Variants in MAGI3 observed in about 807,000 individuals in gnomAD.
The protein encoded by MAGI3 is membrane associated guanylate kinase, WW and PDZ domain containing 3.
MAGI3 carries 43 observed loss-of-function variants against 121.8 expected under a neutral mutation model. The observed-to-expected ratio is 0.35, with a 90% CI of 0.28 to 0.46. The LOEUF (loss-of-function observed/expected upper bound fraction) is 0.46, where lower values mean the gene tolerates loss of function less well. Among genes scored for constraint, MAGI3 ranks in the 20% least tolerant of loss-of-function variants. The pLI is 1.00. For missense variants in MAGI3, 1,547 were observed against 1,797.3 expected (o/e 0.86, Z 2.52); for synonymous variants, 553 against 639.3 (o/e 0.86, Z 2.04).
At chr1:113,503,945 A>G (rs1433194108) in intron 1 of MAGI3, among the ~76,000 whole-genome samples, 2 of 152,106 alleles carry the variant, frequency 1.3e-5, no homozygotes, top group East Asian at 3.8e-4. Flanking sequence ...TATAATGGAT[A>G]GAAAGTTCAA....
At chr1:113,546,859 G>T (rs1175255278) in intron 1 of MAGI3, among the ~76,000 whole-genome samples, 2 of 151,638 alleles carry the variant, frequency 1.3e-5, no homozygotes, top group Non-Finnish European at 2.9e-5. Context: ...GAGGTGGGCA[G>T]ATCATGAGGT....
chr1:113,394,781 C>T (rs1372538257), intron 1 of MAGI3, among the ~76,000 whole-genome samples: 1 of 152,180 alleles, frequency 6.6e-6, no homozygotes, highest in East Asian at 1.9e-4. Context: ...GCACACATTA[C>T]ATTCAACTAC....
intron 2 of MAGI3, among the ~76,000 whole-genome samples, chr1:113,561,788 A>C (rs926397025): frequency 2.6e-5 from 4 of 152,176 alleles, no homozygotes; most frequent in African/African-American, 4.8e-5. Context: ...AGAAAGAAAG[A>C]AAGCATATTC....
At chr1:113,511,385 A>G (rs1217032747) in intron 1 of MAGI3, among the ~76,000 whole-genome samples, 2 of 152,236 alleles carry the variant, frequency 1.3e-5, no homozygotes, top group African/African-American at 4.8e-5. Context: ...GAAAGAATGA[A>G]AAGATGGTTG....
At chr1:113,669,947 C>T (rs558936655) in intron 16 of MAGI3, among the ~76,000 whole-genome samples, 217 of 136,076 alleles carry the variant, frequency 1.6e-3, no homozygotes, top group African/African-American at 5.8e-3. Flanking sequence ...TAAAGTTACT[C>T]AAGAAAAATA....
At chr1:113,548,657 C>G (rs1372535449) in intron 1 of MAGI3, among the ~76,000 whole-genome samples, 1 of 152,170 alleles carries the variant, frequency 6.6e-6, no homozygotes, top group Non-Finnish European at 1.5e-5. Flanking sequence ...CTTCTAGTCC[C>G]TGTTCGGGAT....
intron 1 of MAGI3, among the ~76,000 whole-genome samples, chr1:113,457,571 T>G (rs1235322361): frequency 6.6e-6 from 1 of 152,098 alleles, no homozygotes; most frequent in Admixed American, 6.6e-5. Context: ...GTCAATTAAA[T>G]GACCGATATT....
At chr1:113,451,760 C>T (rs1463559291) in intron 1 of MAGI3, among the ~76,000 whole-genome samples, 2 of 152,110 alleles carry the variant, frequency 1.3e-5, no homozygotes, top group African/African-American at 2.4e-5. Flanking sequence ...GGTTTTTATT[C>T]TGCAACATTG....
At chr1:113,555,607 TAAATC>T (rs1207061956) in intron 2 of MAGI3, among the ~76,000 whole-genome samples, 2 of 152,132 alleles carry the variant, frequency 1.3e-5, no homozygotes, top group African/African-American at 4.8e-5. Context: ...GATTTAGACT[TAAATC>T]ATATGAAACA....
At chr1:113,665,443 A>G (rs1281126525) in intron 16 of MAGI3, among the ~76,000 whole-genome samples, 2 of 152,078 alleles carry the variant, frequency 1.3e-5, no homozygotes, top group African/African-American at 2.4e-5. Context: ...GGGAAAACCT[A>G]TCTGTCTCCC....
At chr1:113,582,784 TAAAG>T (rs1181942966) in intron 3 of MAGI3, among the ~76,000 whole-genome samples, 1 of 151,638 alleles carries the variant, frequency 6.6e-6, no homozygotes, top group African/African-American at 2.4e-5. Context: ...TATATATCCT[TAAAG>T]AGAAAAAAAG....
At chr1:113,573,335 G>A (rs1048523046) in intron 2 of MAGI3, among the ~76,000 whole-genome samples, 5 of 152,232 alleles carry the variant, frequency 3.3e-5, no homozygotes, top group African/African-American at 1.2e-4. Flanking sequence ...GGCATTCAGT[G>A]CTATAAGCTT....
intron 1 of MAGI3, among the ~76,000 whole-genome samples, chr1:113,478,013 T>C (rs1221966809): frequency 2.0e-5 from 3 of 152,244 alleles, no homozygotes; most frequent in Non-Finnish European, 4.4e-5. Context: ...TTCCACTTGA[T>C]TGAATTAGCT....
chr1:113,558,854 A>G (rs1660100951), intron 2 of MAGI3, among the ~76,000 whole-genome samples: 1 of 152,160 alleles, frequency 6.6e-6, no homozygotes, highest in African/African-American at 2.4e-5. Context: ...CACCAGATAA[A>G]AACAGTGGAC....
At chr1:113,526,962 A>G (rs1348064813) in intron 1 of MAGI3, among the ~76,000 whole-genome samples, 3 of 152,176 alleles carry the variant, frequency 2.0e-5, no homozygotes, top group Non-Finnish European at 4.4e-5. Context: ...AAACCTCCCT[A>G]TGCCTCATTC....
intron 2 of MAGI3, among the ~76,000 whole-genome samples, chr1:113,551,831 CT>C (rs981283186): frequency 6.6e-6 from 1 of 151,456 alleles, no homozygotes; most frequent in Non-Finnish European, 1.5e-5. Context: ...TTGTAGGGAT[CT>C]TTTTTTTAAT....
intron 16 of MAGI3, among the ~76,000 whole-genome samples, chr1:113,670,003 C>CAAAA (rs11302295): frequency 2.3e-5 from 2 of 85,242 alleles, no homozygotes; most frequent in East Asian, 3.4e-4. Flanking sequence ...TCCAGGTCTC[C>CAAAA]AAAAAAAAAA....
intron 1 of MAGI3, among the ~76,000 whole-genome samples, chr1:113,515,520 C>T (rs1221703796): frequency 2.0e-5 from 3 of 152,068 alleles, no homozygotes; most frequent in African/African-American, 7.2e-5. Context: ...AGTCAGCACA[C>T]CAGCTTTTTA....
At chr1:113,634,080 G>A (rs1651842733) in intron 9 of MAGI3, among the ~76,000 whole-genome samples, 1 of 152,040 alleles carries the variant, frequency 6.6e-6, no homozygotes, top group African/African-American at 2.4e-5. Flanking sequence ...TTTTGATGGG[G>A]TTGTTTGTTT....
Sources: allele counts gnomAD v4.1 joint callset (sites outside exome capture counted in the v4.1 genomes callset), GRCh38; gene constraint gnomAD v4.1.1; transcripts MANE v1.5; gene names NCBI Gene and HGNC (gene_info 2026-07-23, HGNC 2026-07-21).